Variants in CYLC2 observed in about 807,000 individuals in gnomAD.
CYLC2 encodes the protein cylicin 2.
Under a neutral mutation model 26.1 loss-of-function variants are expected in CYLC2, and 30 were observed. The observed-to-expected ratio is 1.15, with a 90% CI of 0.86 to 1.56. CYLC2 has a LOEUF of 1.56. CYLC2 is among the 40% of genes most tolerant of loss of function. The pLI, the probability that CYLC2 is intolerant of heterozygous loss-of-function variation, is 0.00. For synonymous variants in CYLC2, 158 were observed against 132.8 expected (o/e 1.19, Z -1.31); for missense variants, 498 against 394.4 (o/e 1.26, Z -2.23).
intron 1 of CYLC2, among the ~76,000 whole-genome samples, chr9:102,999,241 T>C (rs1417832407): frequency 6.6e-6 from 1 of 151,884 alleles, no homozygotes; most frequent in East Asian, 1.9e-4. Flanking sequence ...TCCTAAATTT[T>C]TATCTTCTAA....
chr9:103,000,857 G>T (rs934995695), intron 1 of CYLC2, among the ~76,000 whole-genome samples: 3 of 151,956 alleles, frequency 2.0e-5, no homozygotes, highest in Admixed American at 6.6e-5. Flanking sequence ...TCTTAGGATT[G>T]GTCTCCATCA....
intron 7 of CYLC2, among the ~76,000 whole-genome samples, chr9:103,017,788 G>C (rs773003181): frequency 2.6e-5 from 4 of 151,956 alleles, no homozygotes; most frequent in Non-Finnish European, 4.4e-5. Context: ...AAGGCTAAAA[G>C]TCCACAATCA....
At chr9:103,006,554 A>G (rs1306188282) in intron 5 of CYLC2, among the ~76,000 whole-genome samples, 176 bp downstream of exon 5, 2 of 151,930 alleles carry the variant, frequency 1.3e-5, no homozygotes, top group Non-Finnish European at 2.9e-5. Flanking sequence ...GCTGGACTAC[A>G]GGCGCCTGCC....
At chr9:103,004,315 A>G (rs1431155026) in intron 3 of CYLC2, among the ~76,000 whole-genome samples, 1 of 152,112 alleles carries the variant, frequency 6.6e-6, no homozygotes, top group Non-Finnish European at 1.5e-5. Context: ...ACTATTAGAT[A>G]TTAGAGAATA....
intron 6 of CYLC2, among the ~76,000 whole-genome samples, chr9:103,015,861 T>A (rs1000073503): frequency 1.3e-5 from 2 of 150,362 alleles, no homozygotes; most frequent in Non-Finnish European, 3.0e-5. Flanking sequence ...TCTAAATACC[T>A]CTGTAACCAG....
intron 2 of CYLC2, among the ~76,000 whole-genome samples, chr9:103,002,084 T>C (rs1829294158): frequency 6.6e-6 from 1 of 152,072 alleles, no homozygotes; most frequent in South Asian, 2.1e-4. Context: ...AAATATAATT[T>C]TTTTCTGTAC....
intron 5 of CYLC2, among the ~76,000 whole-genome samples, chr9:103,009,991 A>C (rs10990431): frequency 1.9e-4 from 4 of 20,832 alleles, no homozygotes; most frequent in African/African-American, 7.5e-4. Flanking sequence ...TTTTACATGT[A>C]TGTGTATATA....
rs1263327615 is a variant in CYLC2, at chr9:103,013,372, A to C, written c.*816+1275A>C. ...ATATATATTATATAAATATATATTT[A>C]ATATATTATATAAATATATATTATA... On this transcript the variant is annotated intron_variant, in intron 6 of 7. Transcript: ENST00000374798. Among the ~76,000 whole-genome samples, 5 of 103,586 alleles carry C rather than the reference A, an allele frequency of 4.8e-5. No individual in the cohort carries two copies. In the South Asian group the frequency reaches 1.4e-3, roughly 28 times the overall value. 68.0% of individuals were successfully genotyped at this position (103,586 alleles called of 152,430 possible). A position where few individuals can be genotyped will look rare whatever the true frequency, so the allele number is the denominator to read the frequency against.
intron 5 of CYLC2, among the ~76,000 whole-genome samples, chr9:103,006,790 A>G (rs1009154847): frequency 1.1e-4 from 17 of 152,184 alleles, no homozygotes; most frequent in Admixed American, 3.3e-4. Context: ...AGATTTAATA[A>G]TAATTGAACC....
chr9:102,999,958 A>G (rs1238352134), intron 1 of CYLC2, among the ~76,000 whole-genome samples: 1 of 151,826 alleles, frequency 6.6e-6, no homozygotes, highest in Non-Finnish European at 1.5e-5. Context: ...TGGGTTATTT[A>G]TATTAGCCTT....
chr9:103,011,693 G>A (rs1003389814), intron 5 of CYLC2, among the ~76,000 whole-genome samples: 1 of 151,902 alleles, frequency 6.6e-6, no homozygotes, highest in Admixed American at 6.6e-5. Context: ...GTGTTCTAAA[G>A]TTTATTTATG....
intron 5 of CYLC2, among the ~76,000 whole-genome samples, chr9:103,010,411 T>A (rs558316188): frequency 2.0e-5 from 3 of 152,116 alleles, no homozygotes; most frequent in Non-Finnish European, 4.4e-5. Flanking sequence ...AACGCTTTCC[T>A]CGTATTATCA....
chr9:103,015,165 A>T (rs369601377), intron 6 of CYLC2, among the ~76,000 whole-genome samples: 1 of 68,680 alleles, frequency 1.5e-5, no homozygotes, highest in African/African-American at 5.7e-5. Context: ...TATACATAAC[A>T]TGTATATCAC....
chr9:103,005,453 G>A lies in CYLC2; in HGVS notation c.822G>A (p.Lys274=). 6.2e-7 allele frequency: 1 copy of A among 1,613,292 alleles called. No individual in the cohort carries two copies. The highest frequency in any genetic ancestry group is 8.5e-7 in the Non-Finnish European group (1 of 1,179,810). Residue 274 remains lysine (K), a synonymous_variant, in exon 5 of 8, where the codon AAG becomes AAA. Transcript: ENST00000374798. The stretch of plus-strand genomic sequence containing the variant: ...AGATTAAAAAAGGTAAGAAAGATAA[G>A]AAGAAGCCCAGTAGTACAGACAGTG... The part of the protein sequence containing the change: ...AKEIKKGKKD[K]KKPSSTDSDS...
intron 6 of CYLC2, among the ~76,000 whole-genome samples, chr9:103,015,913 C>T (rs118103323): frequency 9.0e-4 from 135 of 149,936 alleles, no homozygotes; most frequent in Admixed American, 1.5e-3. Flanking sequence ...TTCTAATTCC[C>T]ATTAAGGCTC....
chr9:102,995,607 C>T (rs539203549), intron 1 of CYLC2, among the ~76,000 whole-genome samples: 129 of 151,842 alleles, frequency 8.5e-4, no homozygotes, highest in Non-Finnish European at 2.5e-4. Context: ...AAATAGATAC[C>T]TGGCTTTGGA....
chr9:103,006,658 C>T (rs1829354926), intron 5 of CYLC2, among the ~76,000 whole-genome samples: 1 of 152,012 alleles, frequency 6.6e-6, no homozygotes, highest in South Asian at 2.1e-4. Flanking sequence ...TCGTGATCCG[C>T]CCGTCTCGGC....
chr9:103,016,386 T>C (rs1564102001), intron 6 of CYLC2, among the ~76,000 whole-genome samples: 3 of 152,028 alleles, frequency 2.0e-5, no homozygotes, highest in Non-Finnish European at 4.4e-5. Flanking sequence ...CTCTAGCACA[T>C]TGCCATGGAA....
At chr9:103,003,409 C>T in intron 3 of CYLC2, 146 bp downstream of exon 3, 1 of 664,978 alleles carries the variant, frequency 1.5e-6, no homozygotes, top group Non-Finnish European at 2.4e-6. Context: ...TGTTATAGAT[C>T]AAAGCTGACC....
Sources: gnomAD v4.1 joint callset for allele counts (sites outside exome capture counted in the v4.1 genomes callset) on GRCh38, gnomAD v4.1.1 for gene constraint, MANE v1.5 for transcripts, NCBI Gene and HGNC (gene_info 2026-07-23, HGNC 2026-07-21) for gene names.